Variants in COL4A3 observed in about 807,000 individuals in gnomAD.
COL4A3 encodes collagen alpha-3(IV) chain.
Under a neutral mutation model 217.4 loss-of-function variants are expected in COL4A3, and 135 were observed. The ratio of observed to expected loss-of-function variants is 0.62; its 90% CI spans 0.54 to 0.72. COL4A3 has a LOEUF of 0.72. Ranked by LOEUF, COL4A3 falls within the 30% of genes least tolerant of loss-of-function variation. The probability of loss-of-function intolerance (pLI) is 0.00; values close to 1 mark genes in which losing one functional copy is unlikely to be tolerated. For missense variants in COL4A3, 1,868 were observed against 2,119.9 expected, an observed-to-expected ratio of 0.88 and a Z score of 2.33; for synonymous variants, 690 against 736.3, an observed-to-expected ratio of 0.94 and a Z score of 1.02.
intron 47 of COL4A3, among the ~76,000 whole-genome samples, chr2:227,305,986 T>C (rs1397898192): frequency 6.6e-6 from 1 of 152,210 alleles, no homozygotes; most frequent in Non-Finnish European, 1.5e-5. Flanking sequence ...TTTTAAAAAT[T>C]CAAATATGAT....
intron 9 of COL4A3, 37 bp from the exon 10 acceptor site, chr2:227,251,103 A>C (rs2125924356): frequency 4.7e-6 from 7 of 1,481,374 alleles, no homozygotes; most frequent in Non-Finnish European, 6.6e-6. Flanking sequence ...GTGAGAAGTA[A>C]ATTTAAACTT....
At chr2:227,289,546 G>T (rs567998696) in intron 35 of COL4A3, among the ~76,000 whole-genome samples, 3 of 152,176 alleles carry the variant, frequency 2.0e-5, no homozygotes, top group Non-Finnish European at 2.9e-5. Flanking sequence ...GAAAATTAGA[G>T]AATGCTTTAG....
intron 1 of COL4A3, among the ~76,000 whole-genome samples, chr2:227,178,955 C>G (rs562184165): frequency 1.3e-5 from 2 of 151,868 alleles, no homozygotes; most frequent in East Asian, 3.9e-4. Context: ...AATAAATCAT[C>G]ATTATTATTA....
At chr2:227,223,103 A>G (rs1005283151) in intron 1 of COL4A3, among the ~76,000 whole-genome samples, 23 of 151,982 alleles carry the variant, frequency 1.5e-4, no homozygotes, top group African/African-American at 5.6e-4. Context: ...TTCCTTTTTA[A>G]TACTTGATAT....
intron 28 of COL4A3, chr2:227,279,592 T>A: frequency 1.8e-6 from 1 of 564,210 alleles, no homozygotes; most frequent in Admixed American, 3.3e-5. Context: ...AACAACAAAA[T>A]AGAGAAAGTT....
chr2:227,280,104 T>G (rs1433222059), intron 29 of COL4A3, among the ~76,000 whole-genome samples: 3 of 152,250 alleles, frequency 2.0e-5, no homozygotes, highest in African/African-American at 7.2e-5. Flanking sequence ...CATCGTGATA[T>G]CATCTTTAAT....
intron 1 of COL4A3, among the ~76,000 whole-genome samples, chr2:227,206,461 G>A (rs571573023): frequency 6.6e-6 from 1 of 152,286 alleles, no homozygotes; most frequent in African/African-American, 2.4e-5. Context: ...ATGAGATTTT[G>A]ATAGGCTCAG....
At chr2:227,254,741 T>C (rs766088364) in intron 15 of COL4A3, 26 bp downstream of exon 15, 39 of 1,579,958 alleles carry the variant, frequency 2.5e-5, no homozygotes, top group Admixed American at 3.3e-5. Context: ...CGGTGTCATG[T>C]GCAGTTTTGA....
chr2:227,245,014 C>T lies in COL4A3; in HGVS notation c.324+19C>T, dbSNP rs761197545. On this transcript the variant is annotated intron_variant, in intron 5 of 51. Transcript: ENST00000396578. ...ACTTCCAGTAAGTAATGGGAAAAAT[C>T]CGTAGCTAGAAAATTTAAAAGTAAG... 1 of 1,608,114 alleles carries T rather than the reference C, an allele frequency of 6.2e-7. No homozygotes were observed. Among genetic ancestry groups the T allele is most frequent in the Non-Finnish European group, 8.5e-7 (1 of 1,175,390 alleles).
intron 8 of COL4A3, 27 bp downstream of exon 8, chr2:227,247,611 T>C: frequency 1.2e-6 from 2 of 1,611,500 alleles, no homozygotes; most frequent in Middle Eastern, 3.3e-4. Flanking sequence ...ATGCTGTCAC[T>C]GAAAATCTCT....
At chr2:227,251,278 A>T (rs2069725004) in intron 10 of COL4A3, 58 bp from the exon 11 acceptor site, 1 of 1,597,478 alleles carries the variant, frequency 6.3e-7, no homozygotes, top group Admixed American at 1.7e-5. Flanking sequence ...AGTTATTAAA[A>T]GAATTTTTCT....
chr2:227,258,420 G>C (rs1011495106), intron 18 of COL4A3, among the ~76,000 whole-genome samples: 8 of 152,208 alleles, frequency 5.3e-5, no homozygotes, highest in African/African-American at 1.9e-4. Context: ...TGGATGCATA[G>C]AGCCCCTGTC....
intron 28 of COL4A3, among the ~76,000 whole-genome samples, chr2:227,279,011 T>C (rs1187577265): frequency 6.6e-6 from 1 of 152,054 alleles, no homozygotes; most frequent in African/African-American, 2.4e-5. Context: ...TATAGGGCAT[T>C]AAGACTTAAT....
intron 1 of COL4A3, among the ~76,000 whole-genome samples, chr2:227,210,748 C>A (rs2067286490): frequency 6.6e-6 from 1 of 152,234 alleles, no homozygotes; most frequent in Admixed American, 6.5e-5. Context: ...CTCACAGCCA[C>A]CCCACCACCA....
chr2:227,253,750 G>C lies in COL4A3; in HGVS notation c.765+112G>C, dbSNP rs374838055. ...TGTTATCTAAGTCCAGCTCAGCCCA[G>C]CTCCCTCAGCCAGCCAGAACCTCCA... On this transcript the variant is annotated intron_variant, in intron 13 of 51. Coordinates refer to ENST00000396578, the MANE Select transcript of COL4A3 (RefSeq NM_000091.5). The surrounding 1 kb of genome is among the most constrained non-coding windows in gnomAD (Gnocchi z 4.4). The C allele has an allele frequency of 2.1e-6, 2 of 942,090 alleles. No homozygotes were observed. The highest frequency in any genetic ancestry group is 2.5e-4 in the Middle Eastern group (1 of 3,944). The allele number at this position is 942,090 out of a possible 1,614,324, so 58.4% of individuals were successfully genotyped here.
intron 9 of COL4A3, 117 bp from the exon 10 acceptor site, chr2:227,251,023 G>A (rs1376807377): frequency 2.5e-6 from 2 of 807,806 alleles, no homozygotes; most frequent in Admixed American, 3.7e-5. Flanking sequence ...CCACTGAAAG[G>A]GGAGGTGTTA....
At chr2:227,187,624 A>G (rs1040745417) in intron 1 of COL4A3, among the ~76,000 whole-genome samples, 1 of 152,208 alleles carries the variant, frequency 6.6e-6, no homozygotes, top group African/African-American at 2.4e-5. Flanking sequence ...TATTTTAGGA[A>G]TATGCAGGCT....
rs2066306622 is a variant in COL4A3 at position 227,193,083 on chromosome 2, ACTGAATAAT to A, written c.87+28271_87+28279del. Among the ~76,000 whole-genome samples the A allele has an allele frequency of 2.6e-5, 4 of 152,286 alleles. No individual in the cohort carries two copies. The South Asian group carries it at 8.3e-4, about 32-fold the overall frequency. ...CTTTGAGATGCACTAGTTTAGAGAAACTGAATAATGCAATTAAAAAGTTTCACCTGATAG... is the reference window on the plus strand; with the variant it reads ...CTTTGAGATGCACTAGTTTAGAGAAAGCAATTAAAAAGTTTCACCTGATAG... On this transcript the variant is annotated intron_variant, in intron 1 of 51. Coordinates refer to ENST00000396578, the MANE Select transcript of COL4A3 (RefSeq NM_000091.5).
intron 1 of COL4A3, among the ~76,000 whole-genome samples, chr2:227,228,305 C>T (rs1229646763): frequency 6.6e-6 from 1 of 152,258 alleles, no homozygotes; most frequent in East Asian, 1.9e-4. Flanking sequence ...TGGTTGGTTG[C>T]TTAAGGCAGA....
Sources: gnomAD v4.1 joint callset for allele counts (sites outside exome capture counted in the v4.1 genomes callset) on GRCh38, gnomAD v4.1.1 for gene constraint, Gnocchi (gnomAD v3.1) non-coding constraint, MANE v1.5 for transcripts, NCBI Gene and HGNC (gene_info 2026-07-23, HGNC 2026-07-21) for gene names.